Variants in CSNK1G2 observed in about 807,000 individuals in gnomAD.
CSNK1G2 encodes the protein casein kinase I isoform gamma-2.
A neutral mutation model predicts 48.0 loss-of-function variants in CSNK1G2; 11 were observed. The ratio of observed to expected loss-of-function variants is 0.23; its 90% CI spans 0.14 to 0.38. The LOEUF (loss-of-function observed/expected upper bound fraction) is 0.38. Ranked by LOEUF, CSNK1G2 falls within the 10% of genes least tolerant of loss-of-function variation. The pLI is 1.00. For synonymous variants in CSNK1G2, 337 were observed against 254.1 expected (o/e 1.33, Z -3.10); for missense variants, 446 against 595.5 (o/e 0.75, Z 2.61).
chr19:1,965,114 G>A (rs1435925402), intron 1 of CSNK1G2, among the ~76,000 whole-genome samples: 8 of 150,438 alleles, frequency 5.3e-5, no homozygotes, highest in East Asian at 2.1e-4. Context: ...ATCAGTTTCC[G>A]GCCGGGCGCG....
intron 1 of CSNK1G2, among the ~76,000 whole-genome samples, chr19:1,950,163 G>A (rs567496929): frequency 9.9e-5 from 15 of 151,570 alleles, no homozygotes; most frequent in African/African-American, 3.4e-4. Flanking sequence ...TTTATGAGAC[G>A]GAGTCTCGCT....
chr19:1,947,838 C>T (rs1007048645), intron 1 of CSNK1G2, among the ~76,000 whole-genome samples: 2 of 152,188 alleles, frequency 1.3e-5, no homozygotes, highest in African/African-American at 4.8e-5. Context: ...GGGCTCGCTG[C>T]CTGAGCCCTG....
chr19:1,947,124 C>T (rs1018955678), intron 1 of CSNK1G2, among the ~76,000 whole-genome samples: 6 of 152,320 alleles, frequency 3.9e-5, no homozygotes, highest in African/African-American at 7.2e-5. Context: ...TTCGTTGATG[C>T]GTAATTGCCT....
At chr19:1,955,303 T>G (rs1353116203) in intron 1 of CSNK1G2, among the ~76,000 whole-genome samples, 1 of 151,980 alleles carries the variant, frequency 6.6e-6, no homozygotes, top group Non-Finnish European at 1.5e-5. Flanking sequence ...GCCCTCCTGC[T>G]GCTGCTGCTG....
chr19:1,958,893 C>G (rs1374908091), intron 1 of CSNK1G2, among the ~76,000 whole-genome samples: 4 of 13,222 alleles, frequency 3.0e-4, no homozygotes, highest in East Asian at 3.6e-3. Flanking sequence ...ACTGTCCCCC[C>G]TCCCCCCGTC....
rs2015048520 is a variant in CSNK1G2, at chr19:1,957,779, T to A, written c.-265-11729T>A. Among the ~76,000 whole-genome samples, 2 of 139,962 alleles carry A rather than the reference T, an allele frequency of 1.4e-5. No individual in the cohort carries two copies. Among genetic ancestry groups the A allele is most frequent in the African/African-American group, 5.4e-5 (2 of 37,150 alleles). The allele number at this position is 139,962 out of a possible 152,430, so 91.8% of individuals were successfully genotyped here. On this transcript the variant is annotated intron_variant, in intron 1 of 11. Transcript: ENST00000255641. This position sits in a 1 kb window ranked among gnomAD's most constrained non-coding sequence, Gnocchi z 5.4. ...TGGAAACACTGGGGTGTGTGCTCGGTGGGTGCCGTGTGTGGGGGGTATGTG... is the reference window on the plus strand; with the variant it reads ...TGGAAACACTGGGGTGTGTGCTCGGAGGGTGCCGTGTGTGGGGGGTATGTG...
Position 1,957,242 on chromosome 19 carries a change from C to CG in CSNK1G2, c.-265-12264dup, listed in dbSNP as rs1210069516. On this transcript the variant is annotated intron_variant, in intron 1 of 11. Coordinates refer to ENST00000255641, the MANE Select transcript of CSNK1G2 (RefSeq NM_001319.7). This position sits in a 1 kb window ranked among gnomAD's most constrained non-coding sequence, Gnocchi z 5.4. ...ACCGTGTCAGGAGGGATAGCCTACACGGAGAGCAGGCCAGTGGCCCTGTGC... is the reference window on the plus strand; with the variant it reads ...ACCGTGTCAGGAGGGATAGCCTACACGGGAGAGCAGGCCAGTGGCCCTGTGC... Among the ~76,000 whole-genome samples, 1 of 152,212 alleles carries CG rather than the reference C, an allele frequency of 6.6e-6. No homozygotes were observed. Among genetic ancestry groups the CG allele is most frequent in the African/African-American group, 2.4e-5 (1 of 41,460 alleles).
intron 8 of CSNK1G2, 33 bp downstream of exon 8, chr19:1,979,436 C>T (rs775618280): frequency 2.4e-6 from 3 of 1,237,668 alleles, no homozygotes; most frequent in South Asian, 1.4e-5. Context: ...CCCTGTGCCC[C>T]CCACCCCCCA....
chr19:1,941,894 A>T (rs1394632900), intron 1 of CSNK1G2, among the ~76,000 whole-genome samples: 1 of 120,302 alleles, frequency 8.3e-6, no homozygotes, highest in African/African-American at 3.2e-5. Context: ...GCTCAAGCCC[A>T]CCGCCCACTC....
intron 1 of CSNK1G2, among the ~76,000 whole-genome samples, chr19:1,949,723 C>T (rs2014695723): frequency 6.6e-6 from 1 of 152,240 alleles, no homozygotes; most frequent in African/African-American, 2.4e-5. Flanking sequence ...TTTGGGTCCC[C>T]TGCCGGGTTT....
At chr19:1,944,510 C>T (rs2014482486) in intron 1 of CSNK1G2, among the ~76,000 whole-genome samples, 1 of 152,184 alleles carries the variant, frequency 6.6e-6, no homozygotes, top group African/African-American at 2.4e-5. Context: ...CTTCTCTGGT[C>T]ACCCGCCGTG....
chr19:1,979,252 G>T lies in CSNK1G2; in HGVS notation c.768+4G>T. ...CCTCCCCTGGCAGGGGCTCAAGGTGGGCGAGGAGGCCGGGCAGGCGGGCGG... is the reference window on the plus strand; with the variant it reads ...CCTCCCCTGGCAGGGGCTCAAGGTGTGCGAGGAGGCCGGGCAGGCGGGCGG... On this transcript the variant is annotated splice_donor_region_variant and intron_variant, in intron 7 of 11. Coordinates refer to ENST00000255641, the MANE Select transcript of CSNK1G2 (RefSeq NM_001319.7). 1 of 1,560,422 alleles carries T rather than the reference G, an allele frequency of 6.4e-7. No homozygotes were observed. Among genetic ancestry groups the T allele is most frequent in the East Asian group, 2.4e-5 (1 of 42,086 alleles).
At chr19:1,942,966 G>A (rs1265838280) in intron 1 of CSNK1G2, among the ~76,000 whole-genome samples, 1 of 152,168 alleles carries the variant, frequency 6.6e-6, no homozygotes. Flanking sequence ...GACGTCTCTA[G>A]GGCCGAGAGT....
intron 1 of CSNK1G2, among the ~76,000 whole-genome samples, chr19:1,942,154 C>T (rs2014390964): frequency 6.6e-6 from 1 of 152,218 alleles, no homozygotes; most frequent in Non-Finnish European, 1.5e-5. Context: ...CCCCCTTCCG[C>T]TGTGGCCACC....
Position 1,957,511 on chromosome 19 carries a change from G to A in CSNK1G2, c.-265-11997G>A, listed in dbSNP as rs1359234970. Among the ~76,000 whole-genome samples the A allele has an allele frequency of 6.6e-6, 1 of 152,194 alleles. No homozygotes were observed. The highest frequency in any genetic ancestry group is 2.4e-5 in the African/African-American group (1 of 41,448). On this transcript the variant is annotated intron_variant, in intron 1 of 11. Transcript: ENST00000255641. The surrounding 1 kb of genome is among the most constrained non-coding windows in gnomAD (Gnocchi z 5.4). Reference sequence around the variant, plus strand: ...GGTTTGCTGTTAGGAGGGACAGTGAGCGCAGGCACCTCTCTCTCCACTTCA... The same window carrying A: ...GGTTTGCTGTTAGGAGGGACAGTGAACGCAGGCACCTCTCTCTCCACTTCA...
rs377669285 is a variant in CSNK1G2 at position 1,980,377 on chromosome 19, G to A, written c.*174G>A. The stretch of plus-strand genomic sequence containing the variant: ...AGGCGGCCCCACCCCCGGGACGTGG[G>A]GTCACTTCCTTCATGTAAGACTTTG... On this transcript the variant is annotated 3_prime_UTR_variant, in exon 12 of 12. Transcript: ENST00000255641. The A allele has an allele frequency of 1.3e-4, 100 of 743,602 alleles. 1 individual carries two copies. Among genetic ancestry groups the A allele is most frequent in the Admixed American group, 2.5e-4 (10 of 40,028 alleles). 46.1% of individuals were successfully genotyped at this position (743,602 alleles called of 1,614,324 possible).
At chr19:1,972,033 T>G (rs2015591840) in intron 2 of CSNK1G2, among the ~76,000 whole-genome samples, 1 of 152,210 alleles carries the variant, frequency 6.6e-6, no homozygotes, top group South Asian at 2.1e-4. Flanking sequence ...CCTCCCAAAG[T>G]GCTGGGATTA....
At chr19:1,964,215 C>T (rs1215716831) in intron 1 of CSNK1G2, among the ~76,000 whole-genome samples, 3 of 151,726 alleles carry the variant, frequency 2.0e-5, no homozygotes, top group African/African-American at 4.8e-5. Context: ...ATCACTTGGG[C>T]CCAGGAGGTC....
intron 1 of CSNK1G2, among the ~76,000 whole-genome samples, chr19:1,955,129 G>C (rs2014937698): frequency 6.6e-6 from 1 of 152,168 alleles, no homozygotes; most frequent in Admixed American, 6.5e-5. Flanking sequence ...GACGGGTGCT[G>C]GGCCCTGACC....
Sources: gnomAD v4.1 joint callset for allele counts (sites outside exome capture counted in the v4.1 genomes callset) on GRCh38, gnomAD v4.1.1 for gene constraint, Gnocchi (gnomAD v3.1) non-coding constraint, MANE v1.5 for transcripts, NCBI Gene and HGNC (gene_info 2026-07-23, HGNC 2026-07-21) for gene names.